The following RSPH14 variants were observed in gnomAD, a reference collection of about 807,000 sequenced individuals.
RSPH14 encodes rhabdoid tumor deletion region gene 1.
In RSPH14, 20 loss-of-function variants were observed where a neutral mutation model predicts 26.7. That is an observed-to-expected ratio of 0.75 (90% confidence interval 0.53 to 1.09). The LOEUF (loss-of-function observed/expected upper bound fraction) is 1.09, where lower values mean the gene tolerates loss of function less well. RSPH14 is among the 50% of genes least tolerant of loss of function. The pLI, the probability that RSPH14 is intolerant of heterozygous loss-of-function variation, is 0.00. For synonymous variants in RSPH14, 177 were observed against 189.3 expected, an observed-to-expected ratio of 0.93 and a Z score of 0.53; for missense variants, 449 against 457.2, an observed-to-expected ratio of 0.98 and a Z score of 0.16.
intron 4 of RSPH14, among the ~76,000 whole-genome samples, chr22:23,082,305 C>T (rs1205019823): frequency 6.6e-6 from 1 of 151,430 alleles, no homozygotes. Context: ...CAACCTCCGC[C>T]TCCCAGGTTC....
chr22:23,138,449 T>A (rs2070520574), intron 3 of RSPH14, among the ~76,000 whole-genome samples: 1 of 152,040 alleles, frequency 6.6e-6, no homozygotes, highest in Non-Finnish European at 1.5e-5. Context: ...TAGTCCCAGC[T>A]ACTCAGGAGG....
At chr22:23,159,328 A>G in the RSPH14 span, 1 of 1,368,818 alleles carries the variant, frequency 7.3e-7, no homozygotes, top group Admixed American at 2.2e-5. Flanking sequence ...CCTGCCATGC[A>G]GTGTTTCCCT....
chr22:23,113,872 C>G (rs1434774262), intron 4 of RSPH14, among the ~76,000 whole-genome samples: 1 of 152,240 alleles, frequency 6.6e-6, no homozygotes. Flanking sequence ...TCAGTGCCAG[C>G]CAAGGGCAGG....
chr22:23,062,825 A>AGG (rs1434131635), intron 5 of RSPH14, among the ~76,000 whole-genome samples: 2 of 152,226 alleles, frequency 1.3e-5, no homozygotes, highest in Non-Finnish European at 2.9e-5. Flanking sequence ...AGAGCGATGC[A>AGG]GGGATTCCCC....
At chr22:23,129,517 G>A (rs2070256770) in intron 4 of RSPH14, among the ~76,000 whole-genome samples, 2 of 152,006 alleles carry the variant, frequency 1.3e-5, no homozygotes, top group Non-Finnish European at 2.9e-5. Context: ...AAGAAAATAT[G>A]GCAGAATATC....
Position 23,071,029 on chromosome 22 carries a change from G to A in RSPH14, c.422-6896C>T, listed in dbSNP as rs1048240402. On this transcript the variant is annotated intron_variant, in intron 4 of 6. Transcript: ENST00000216036. This position sits in a 1 kb window ranked among gnomAD's most constrained non-coding sequence, Gnocchi z 4.1. ...GATGCAGGGCCTTGCCTGAAACCGA[G>A]GAGAGGGCCCCAGAGGCCTGGGCCC... is the stretch of plus-strand genomic sequence containing the variant. Among the ~76,000 whole-genome samples the A allele has an allele frequency of 6.6e-6, 1 of 152,212 alleles. No homozygotes were observed. Among genetic ancestry groups the A allele is most frequent in the Non-Finnish European group, 1.5e-5 (1 of 68,026 alleles).
At chr22:23,123,525 CAG>C (rs1269091506) in intron 4 of RSPH14, 4 of 747,052 alleles carry the variant, frequency 5.4e-6, no homozygotes, top group Middle Eastern at 3.5e-4. Flanking sequence ...GGGCAGAAAA[CAG>C]GGGGCCTAAA....
the RSPH14 span, among the ~76,000 whole-genome samples, chr22:23,175,337 T>C: frequency 6.7e-6 from 1 of 148,582 alleles, no homozygotes; most frequent in East Asian, 2.0e-4. Context: ...GATAGGTGGG[T>C]TGGCTTGTTT....
chr22:23,142,889 T>C (rs1387954762), upstream of RSPH14, among the ~76,000 whole-genome samples: 1 of 152,214 alleles, frequency 6.6e-6, no homozygotes, highest in African/African-American at 2.4e-5. Flanking sequence ...CCCTGGGTGA[T>C]GGCCTCCTCC....
chr22:23,108,274 G>C (rs1235637347), intron 4 of RSPH14, among the ~76,000 whole-genome samples: 2 of 152,272 alleles, frequency 1.3e-5, no homozygotes, highest in African/African-American at 4.8e-5. Flanking sequence ...CAAGCAGACA[G>C]CACTGCTCAT....
At chr22:23,136,752 CT>C (rs1316829645) in intron 3 of RSPH14, among the ~76,000 whole-genome samples, 1 of 139,350 alleles carries the variant, frequency 7.2e-6, no homozygotes, top group Non-Finnish European at 1.6e-5. Context: ...TCTGTCCCCC[CT>C]AACTGGGGAT....
intron 4 of RSPH14, among the ~76,000 whole-genome samples, chr22:23,110,881 C>A: frequency 6.6e-6 from 1 of 152,188 alleles, no homozygotes; most frequent in East Asian, 1.9e-4. Flanking sequence ...GCACACGGGG[C>A]AACTCAGGCC....
chr22:23,161,358 G>T, the RSPH14 span: 1 of 814,794 alleles, frequency 1.2e-6, no homozygotes, highest in Non-Finnish European at 2.0e-6. Context: ...CCCTCTCTTG[G>T]CTTGTGTCAG....
chr22:23,147,512 T>A (rs1183455316), upstream of RSPH14, among the ~76,000 whole-genome samples: 1 of 152,090 alleles, frequency 6.6e-6, no homozygotes, highest in Non-Finnish European at 1.5e-5. Flanking sequence ...TAATTTTTTT[T>A]AATAGAGATG....
upstream of RSPH14, among the ~76,000 whole-genome samples, chr22:23,144,586 C>T (rs1018038350): frequency 3.3e-5 from 5 of 152,008 alleles, no homozygotes; most frequent in African/African-American, 1.2e-4. Context: ...GGTGTGGTGG[C>T]CCTTGCCTGT....
At chr22:23,123,917 T>G (rs1363605662) in intron 4 of RSPH14, 1 of 220,564 alleles carries the variant, frequency 4.5e-6, no homozygotes, top group Non-Finnish European at 9.1e-6. Flanking sequence ...GGAGGACCAG[T>G]GCAGGGTCTG....
At chr22:23,162,933 T>TG in the RSPH14 span, 1 of 343,684 alleles carries the variant, frequency 2.9e-6, no homozygotes, top group Non-Finnish European at 5.7e-6. Context: ...TTTTTTGAGA[T>TG]GGAGTTTCAC....
At chr22:23,162,379 C>T in the RSPH14 span, 19 of 341,464 alleles carry the variant, frequency 5.6e-5, 1 homozygote, top group Admixed American at 3.1e-4. Flanking sequence ...ACTCACTCTG[C>T]AGCCCTTGAA....
the RSPH14 span, chr22:23,157,998 T>A: frequency 6.2e-7 from 1 of 1,614,190 alleles, no homozygotes; most frequent in South Asian, 1.1e-5. Flanking sequence ...CTAGTGATCA[T>A]CACGGCCTTT....
Sources: gnomAD v4.1 joint callset for allele counts (sites outside exome capture counted in the v4.1 genomes callset) on GRCh38, gnomAD v4.1.1 for gene constraint, Gnocchi (gnomAD v3.1) non-coding constraint, MANE v1.5 for transcripts, NCBI Gene and HGNC (gene_info 2026-07-23, HGNC 2026-07-21) for gene names.